The following EIF2D variants were observed in gnomAD, a reference collection of about 807,000 sequenced individuals.
The protein encoded by EIF2D is hepatocellular carcinoma-associated antigen 56.
A neutral mutation model predicts 77.4 loss-of-function variants in EIF2D; 56 were observed. That is an observed-to-expected ratio of 0.72 (90% confidence interval 0.58 to 0.90). The LOEUF is 0.90. EIF2D is among the 40% of genes least tolerant of loss of function. EIF2D has a pLI of 0.00. For missense variants in EIF2D, 574 were observed against 706.5 expected (o/e 0.81, Z 2.13); for synonymous variants, 230 against 271.0 (o/e 0.85, Z 1.49).
At position 206,595,802 on chromosome 1, in the gene EIF2D, G is replaced by A. The variant is rs781998028; in HGVS notation, c.1425C>T (p.Thr475=). The change falls in exon 13 of 15, where the codon ACC becomes ACT. Residue 475 remains threonine (T), a synonymous_variant. Coordinates refer to ENST00000271764, the MANE Select transcript of EIF2D (RefSeq NM_006893.3). ...TCACAATGGGCTCTTGTCCGGGAAG[G>A]GTCACTTGATAGGCAGGCTGTAATT... ...LEKLQPAYQV[T]LPGQEPIVKK... is the part of the protein sequence containing the mutation. 45 of 1,613,968 alleles carry A rather than the reference G, an allele frequency of 2.8e-5. No homozygotes were observed. In the Admixed American group the frequency reaches 6.5e-4, roughly 23 times the overall value.
intron 6 of EIF2D, 104 bp downstream of exon 6, chr1:206,602,847 C>G (rs549658015): frequency 2.0e-5 from 30 of 1,487,922 alleles, no homozygotes; most frequent in South Asian, 1.2e-4. Flanking sequence ...TTCCCCTCCT[C>G]CCCCGGAAGC....
At position 206,599,314 on chromosome 1, in the gene EIF2D, G is replaced by A. The variant is rs1669805625; in HGVS notation, c.1202+149C>T. 2.6e-6 allele frequency: 3 copies of A among 1,140,892 alleles called. No individual in the cohort carries two copies. Among genetic ancestry groups the A allele is most frequent in the Non-Finnish European group, 3.8e-6 (3 of 798,404 alleles). 70.7% of individuals were successfully genotyped at this position (1,140,892 alleles called of 1,614,324 possible). On this transcript the variant is annotated intron_variant, in intron 10 of 14. Coordinates refer to ENST00000271764, the MANE Select transcript of EIF2D (RefSeq NM_006893.3). The surrounding 1 kb of genome is among the most constrained non-coding windows in gnomAD (Gnocchi z 4.1). ...CATTTAGTCCAGAGGAACTTGCCCA[G>A]GGAAGAAGGCTGGAAGCTGGATTTT...
chr1:206,586,980 C>G, downstream of EIF2D: 4 of 1,614,006 alleles, frequency 2.5e-6, no homozygotes, highest in Non-Finnish European at 2.5e-6. Context: ...CCTGGGTAAC[C>G]GGTCCTGCTT....
At position 206,608,336 on chromosome 1, in the gene EIF2D, A is replaced by T. The variant is rs782777031; in HGVS notation, c.332-10T>A. On this transcript the variant is annotated splice_polypyrimidine_tract_variant and intron_variant, in intron 3 of 14. Coordinates refer to ENST00000271764, the MANE Select transcript of EIF2D (RefSeq NM_006893.3). Reference sequence around the variant, plus strand: ...CCAGGCAGCATCAAATCTGCAATGAACAAAAAAAATCACAACCTGCATTCA... The same window carrying T: ...CCAGGCAGCATCAAATCTGCAATGATCAAAAAAAATCACAACCTGCATTCA... 1.2e-6 allele frequency: 2 copies of T among 1,606,694 alleles called. No homozygotes were observed. Among genetic ancestry groups the T allele is most frequent in the Non-Finnish European group, 1.7e-6 (2 of 1,175,826 alleles).
intron 4 of EIF2D, among the ~76,000 whole-genome samples, chr1:206,576,672 T>C (rs532396745): frequency 7.2e-5 from 11 of 152,206 alleles, no homozygotes; most frequent in Non-Finnish European, 8.8e-5. Context: ...GAGATGGCTA[T>C]AGACTGGAGA....
chr1:206,597,201 G>A lies in EIF2D; in HGVS notation c.1293-6C>T, dbSNP rs1669693084. 2 of 1,609,634 alleles carry A rather than the reference G, an allele frequency of 1.2e-6. No individual in the cohort carries two copies. Among genetic ancestry groups the A allele is most frequent in the African/African-American group, 2.7e-5 (2 of 74,938 alleles). ...TGGGATCCAATCTCACAAGACTAAA[G>A]GGAAAGAAGAGGCAATGAAGAAATC... On this transcript the variant is annotated splice_polypyrimidine_tract_variant and splice_region_variant and intron_variant, in intron 11 of 14. Coordinates refer to ENST00000271764, the MANE Select transcript of EIF2D (RefSeq NM_006893.3).
chr1:206,593,309 A>G (rs998206001), intron 14 of EIF2D, among the ~76,000 whole-genome samples: 2 of 152,096 alleles, frequency 1.3e-5, no homozygotes, highest in Admixed American at 6.5e-5. Context: ...GGCCTAGCAC[A>G]AAAGTTTGGG....
In EIF2D at chr1:206,594,065, G is replaced by A. The variant is rs193023571; in HGVS notation, c.1510-272C>T. 1,322 of 261,286 alleles carry A rather than the reference G, an allele frequency of 5.1e-3. 5 individuals carry two copies. Among genetic ancestry groups the A allele is most frequent in the Non-Finnish European group, 7.2e-3 (996 of 138,344 alleles). 16.2% of individuals were successfully genotyped at this position (261,286 alleles called of 1,614,324 possible). On this transcript the variant is annotated intron_variant, in intron 13 of 14. Transcript: ENST00000271764. ...CTACTTCTTTTTTAAGTTTTATTTGGAGAATTCAAAACATAAATGAAAGCA... is the reference window on the plus strand; with the variant it reads ...CTACTTCTTTTTTAAGTTTTATTTGAAGAATTCAAAACATAAATGAAAGCA...
chr1:206,599,893 C>T lies in EIF2D; in HGVS notation c.949-57G>A, dbSNP rs1553410959. 3.3e-6 allele frequency: 5 copies of T among 1,511,694 alleles called. No homozygotes were observed. Among genetic ancestry groups the T allele is most frequent in the African/African-American group, 2.7e-5 (2 of 73,096 alleles). 93.6% of individuals were successfully genotyped at this position (1,511,694 alleles called of 1,614,324 possible). Reference sequence around the variant, plus strand: ...TCATTGATTCCACACACATACTGAGCACCCAGGATGTGCCAGAGTGAGCTA... The same window carrying T: ...TCATTGATTCCACACACATACTGAGTACCCAGGATGTGCCAGAGTGAGCTA... On this transcript the variant is annotated intron_variant, in intron 8 of 14. Transcript: ENST00000271764. This position sits in a 1 kb window ranked among gnomAD's most constrained non-coding sequence, Gnocchi z 4.1.
rs782616897 is a variant in EIF2D at position 206,598,994 on chromosome 1, T to C, written c.1292+9A>G. On this transcript the variant is annotated intron_variant, in intron 11 of 14. Coordinates refer to ENST00000271764, the MANE Select transcript of EIF2D (RefSeq NM_006893.3). The stretch of plus-strand genomic sequence containing the variant: ...AATAAGACAGATCTGGTGCTTCTCA[T>C]GCACTCACTTTTTGTTGTCTGCATC... 5.0e-6 allele frequency: 8 copies of C among 1,613,980 alleles called. No homozygotes were observed. Among genetic ancestry groups the C allele is most frequent in the Non-Finnish European group, 5.1e-6 (6 of 1,179,846 alleles).
At position 206,593,487 on chromosome 1, in the gene EIF2D, G is replaced by GAGCA. The variant is rs1669460345; in HGVS notation, c.1684+131_1684+132insTGCT. On this transcript the variant is annotated intron_variant, in intron 14 of 14. Coordinates refer to ENST00000271764, the MANE Select transcript of EIF2D (RefSeq NM_006893.3). ...AAATGGAGAGAGAGAGAGAGAGAGA[G>GAGCA]CGAGAGAGAGAGAGAGAGAGAGTGT... The GAGCA allele has an allele frequency of 1.1e-4, 52 of 457,060 alleles. 2 individuals are homozygous for GAGCA. In the South Asian group the frequency reaches 2.4e-3, roughly 21 times the overall value. The allele number at this position is 457,060 out of a possible 1,614,324, so 28.3% of individuals were successfully genotyped here.
Position 206,583,664 on chromosome 1 carries a change from G to A in EIF2D, c.139-2502C>T, listed in dbSNP as rs1400767141. The A allele has an allele frequency of 2.8e-5, 11 of 392,678 alleles. No homozygotes were observed. In the East Asian group the frequency reaches 3.4e-4, roughly 12 times the overall value. 24.3% of individuals were successfully genotyped at this position (392,678 alleles called of 1,614,324 possible). ...TGTAAACTAAGTGATTAAACGGTAC[G>A]TAATGACCAAGGGCCCAGTATTGCT... On this transcript the variant is annotated intron_variant and NMD_transcript_variant, in intron 2 of 5. Coordinates refer to the EIF2D transcript ENST00000472709.
chr1:206,580,812 G>T, intron 3 of EIF2D: 1 of 152,402 alleles, frequency 6.6e-6, no homozygotes, highest in Admixed American at 6.5e-5. Context: ...CATCCTGGTG[G>T]CTGCATCTCA....
intron 4 of EIF2D, among the ~76,000 whole-genome samples, chr1:206,577,776 A>G (rs115874412): frequency 0.011 from 1,751 of 152,336 alleles, 37 homozygotes; most frequent in African/African-American, 0.04. Context: ...TGTAGGCAAT[A>G]GGGGATCATT....
chr1:206,599,818 G>T lies in EIF2D; in HGVS notation c.967C>A (p.Gln323Lys), dbSNP rs782562908. 2.0e-5 allele frequency: 32 copies of T among 1,613,966 alleles called. No individual in the cohort carries two copies. Among genetic ancestry groups the T allele is most frequent in the Non-Finnish European group, 2.5e-5 (29 of 1,180,008 alleles). ...SYKKLSKFLQ[Q>K]MQQEQIIQVK... ...TGTATAATCTGCTCCTGCTGCATTT[G>T]CTGCAGGAACTTAGAGAGCTAAGGG... The change falls in exon 9 of 15, where the codon CAA becomes AAA. Residue 323 changes from glutamine (Q) to lysine (K), a missense_variant. Transcript: ENST00000271764. This position sits in a 1 kb window ranked among gnomAD's most constrained non-coding sequence, Gnocchi z 4.1.
At chr1:206,587,362 C>T (rs7541507), downstream of EIF2D, 202,692 of 311,488 alleles carry the variant, frequency 0.65, 66,502 homozygotes, top group African/African-American at 0.74. Flanking sequence ...GCATTGATTC[C>T]TCTTTGAGTT....
intron 4 of EIF2D, among the ~76,000 whole-genome samples, chr1:206,578,675 T>C (rs1295523933): frequency 4.6e-5 from 7 of 152,184 alleles, no homozygotes; most frequent in Non-Finnish European, 1.0e-4. Flanking sequence ...ATATAATAGC[T>C]GCAGTACTGC....
chr1:206,572,212 C>T (rs1345118167), intron 5 of EIF2D, among the ~76,000 whole-genome samples: 1 of 152,100 alleles, frequency 6.6e-6, no homozygotes, highest in Non-Finnish European at 1.5e-5. Context: ...GTGTTTTCTT[C>T]AACGCATGAA....
intron 13 of EIF2D, chr1:206,594,118 A>G: frequency 5.9e-6 from 1 of 168,270 alleles, no homozygotes; most frequent in Non-Finnish European, 1.3e-5. Flanking sequence ...ACATGTACCT[A>G]TCACCAGTTT....
Sources: allele counts gnomAD v4.1 joint callset (sites outside exome capture counted in the v4.1 genomes callset), GRCh38; gene constraint gnomAD v4.1.1; non-coding constraint Gnocchi (gnomAD v3.1); transcripts MANE v1.5; gene names NCBI Gene and HGNC (gene_info 2026-07-23, HGNC 2026-07-21).